FMN2: variants seen among roughly 807,000 people sequenced by gnomAD.
FMN2 encodes formin 2, also known as formin-2.
FMN2 carries 51 observed loss-of-function variants against 142.3 expected under a neutral mutation model. The observed-to-expected ratio is 0.36, with a 90% confidence interval of 0.29 to 0.45. The LOEUF is 0.45. FMN2 is among the 20% of genes least tolerant of loss of function. The probability of loss-of-function intolerance (pLI) is 1.00; values close to 1 mark genes in which losing one functional copy is unlikely to be tolerated. For synonymous variants in FMN2, 882 were observed against 869.8 expected (o/e 1.01, Z -0.25); for missense variants, 1,936 against 2,122.8 (o/e 0.91, Z 1.73).
intron 2 of FMN2, among the ~76,000 whole-genome samples, chr1:240,156,504 A>G (rs1651057360): frequency 6.6e-6 from 1 of 152,200 alleles, no homozygotes; most frequent in African/African-American, 2.4e-5. Context: ...GGTAATGCAG[A>G]GTCAGGAAAC....
chr1:240,277,218 G>T (rs963933012), intron 7 of FMN2, among the ~76,000 whole-genome samples: 1 of 152,112 alleles, frequency 6.6e-6, no homozygotes, highest in Non-Finnish European at 1.5e-5. Context: ...TTGAATATTT[G>T]TCACAGTAGC....
rs1354780978 is a variant in FMN2, at chr1:240,092,631, G to C, written c.522G>C (p.Arg174Ser). Residue 174 changes from arginine (R) to serine (S), a missense_variant, in exon 1 of 18, where the codon AGG becomes AGC. Physicochemically the swap from Arg to Ser is moderately radical, Grantham distance 110 (BLOSUM62 -1). Around this residue, in one of 8 missense-constraint regions of FMN2, gnomAD observed 751 missense variants for 791.8 expected, o/e 0.95. Transcript: ENST00000319653. ...CAGCAGGGGCGCAGGATGGACAAAG[G>C]ACCAGCTCGGGCTCGGACACGGACA... Reference protein sequence around the residue: ...ETAAGAQDGQRTSSGSDTDIY... With the variant: ...ETAAGAQDGQSTSSGSDTDIY... 1.3e-5 allele frequency: 21 copies of C among 1,613,992 alleles called. No homozygotes were observed. The highest frequency in any genetic ancestry group is 1.8e-5 in the Non-Finnish European group (21 of 1,180,022).
At chr1:240,463,243 C>A (rs1404012027) in intron 16 of FMN2, among the ~76,000 whole-genome samples, 2 of 151,962 alleles carry the variant, frequency 1.3e-5, no homozygotes, top group African/African-American at 4.8e-5. Context: ...AAAACAGGGA[C>A]AGTGGAATTA....
At chr1:240,316,246 G>A (rs1313358357) in intron 8 of FMN2, among the ~76,000 whole-genome samples, 1 of 152,186 alleles carries the variant, frequency 6.6e-6, no homozygotes, top group East Asian at 1.9e-4. Flanking sequence ...AAGGCAACAA[G>A]GACTTGATCT....
intron 8 of FMN2, among the ~76,000 whole-genome samples, chr1:240,297,515 G>C (rs1008915602): frequency 6.3e-5 from 9 of 143,708 alleles, no homozygotes; most frequent in Non-Finnish European, 1.3e-4. Flanking sequence ...AGAATTACTT[G>C]AATCTGGGAG....
At chr1:240,360,938 A>G (rs1672441512) in intron 14 of FMN2, among the ~76,000 whole-genome samples, 2 of 151,352 alleles carry the variant, frequency 1.3e-5, no homozygotes, top group South Asian at 4.2e-4. Flanking sequence ...TCTTGGACAC[A>G]GGAAGGGGAA....
chr1:240,440,594 C>T (rs928285117), intron 16 of FMN2, among the ~76,000 whole-genome samples: 1 of 152,086 alleles, frequency 6.6e-6, no homozygotes, highest in African/African-American at 2.4e-5. Flanking sequence ...AGCAGTGTTG[C>T]GAATTGGCAG....
chr1:240,405,644 A>C (rs1358241784), intron 15 of FMN2, among the ~76,000 whole-genome samples: 1 of 152,038 alleles, frequency 6.6e-6, no homozygotes, highest in Non-Finnish European at 1.5e-5. Context: ...GAATGTGTTT[A>C]ACTGTAGTAT....
rs111441928 is a variant in FMN2, at chr1:240,249,913, G to A, written c.4066-8032G>A. ...TCAGCTAGTTCATTATTGTTCTGTA[G>A]GAACTAGTGATTTTTGTATGTTGAT... On this transcript the variant is annotated intron_variant, in intron 6 of 17. Coordinates refer to ENST00000319653, the MANE Select transcript of FMN2 (RefSeq NM_020066.5). Among the ~76,000 whole-genome samples, 1,342 of 151,992 alleles carry A rather than the reference G, an allele frequency of 8.8e-3. 24 individuals are homozygous for A. The highest frequency in any genetic ancestry group is 0.03 in the African/African-American group (1,259 of 41,500).
Position 240,242,971 on chromosome 1 carries a change from A to C in FMN2, c.4066-14974A>C, listed in dbSNP as rs576223410. On this transcript the variant is annotated intron_variant, in intron 6 of 17. Coordinates refer to ENST00000319653, the MANE Select transcript of FMN2 (RefSeq NM_020066.5). ...TAGTCTGGAGATACCACTTGTGGGC[A>C]TGGTCAGTGTCAGTGCCTTCTGTGG... Among the ~76,000 whole-genome samples, 35 of 152,304 alleles carry C rather than the reference A, an allele frequency of 2.3e-4. 1 individual carries two copies. The highest frequency in any genetic ancestry group is 1.0e-3 in the Admixed American group (16 of 15,296).
At chr1:240,170,339 C>CT (rs1392160644) in intron 2 of FMN2, 1 of 1,114,980 alleles carries the variant, frequency 9.0e-7, no homozygotes, top group East Asian at 2.4e-5. Context: ...AGAGCTGATC[C>CT]TGAGGGTTGT....
chr1:240,297,623 T>A (rs1356694031), intron 8 of FMN2, among the ~76,000 whole-genome samples: 2 of 150,858 alleles, frequency 1.3e-5, no homozygotes, highest in Non-Finnish European at 3.0e-5. Flanking sequence ...AAAAGAATAT[T>A]TTATTTGGGA....
chr1:240,470,679 C>G (rs1003964944), intron 16 of FMN2, among the ~76,000 whole-genome samples: 1 of 152,064 alleles, frequency 6.6e-6, no homozygotes. Context: ...GGAAATTAGG[C>G]TATAAGGTCT....
At chr1:240,250,625 C>T (rs1354347204) in intron 6 of FMN2, among the ~76,000 whole-genome samples, 1 of 151,950 alleles carries the variant, frequency 6.6e-6, no homozygotes, top group Non-Finnish European at 1.5e-5. Context: ...ATTCCCTTCT[C>T]TTCTATTTTT....
intron 8 of FMN2, among the ~76,000 whole-genome samples, chr1:240,306,572 A>G (rs916772274): frequency 1.3e-5 from 2 of 152,186 alleles, no homozygotes; most frequent in African/African-American, 4.8e-5. Flanking sequence ...TCTGCAAAGA[A>G]CATGACTTCA....
intron 6 of FMN2, among the ~76,000 whole-genome samples, chr1:240,247,303 G>A (rs944375261): frequency 2.0e-5 from 3 of 152,128 alleles, no homozygotes; most frequent in African/African-American, 7.2e-5. Flanking sequence ...GGGAGTTTGA[G>A]ACCAGCCTGA....
chr1:240,357,209 T>A (rs923263378), intron 14 of FMN2, among the ~76,000 whole-genome samples: 7 of 152,310 alleles, frequency 4.6e-5, no homozygotes, highest in African/African-American at 1.4e-4. Context: ...AAGAAAGGAA[T>A]CCTTAATCCT....
intron 2 of FMN2, chr1:240,143,704 A>G: frequency 1.3e-6 from 2 of 1,589,760 alleles, no homozygotes; most frequent in Non-Finnish European, 1.7e-6. Flanking sequence ...ACCCAGTCCA[A>G]GAGGAAGCCA....
At position 240,329,485 on chromosome 1, in the gene FMN2, A is replaced by G. The variant is rs549475298; in HGVS notation, c.4437+17A>G. On this transcript the variant is annotated intron_variant, in intron 10 of 17. Coordinates refer to ENST00000319653, the MANE Select transcript of FMN2 (RefSeq NM_020066.5). ...TTGTGTGAGGTGAGTTCTGGTCCAA[A>G]GAGAGCTGAACTTGAGTCTCATTTA... 8 of 1,609,750 alleles carry G rather than the reference A, an allele frequency of 5.0e-6. No homozygotes were observed. Among genetic ancestry groups the G allele is most frequent in the South Asian group, 1.1e-5 (1 of 90,112 alleles).
Sources: allele counts gnomAD v4.1 joint callset (sites outside exome capture counted in the v4.1 genomes callset), GRCh38; gene constraint gnomAD v4.1.1; regional missense constraint gnomAD v4.1.1; transcripts MANE v1.5; gene names NCBI Gene and HGNC (gene_info 2026-07-23, HGNC 2026-07-21).